SBF2: variants seen among roughly 807,000 people sequenced by gnomAD.
SBF2 encodes SET binding factor 2.
SBF2 carries 112 observed loss-of-function variants against 225.2 expected under a neutral mutation model. The ratio of observed to expected loss-of-function variants is 0.50; its 90% CI spans 0.43 to 0.58. SBF2 has a LOEUF of 0.58. Among genes scored for constraint, SBF2 ranks in the 20% least tolerant of loss-of-function variants. The pLI, the probability that SBF2 is intolerant of heterozygous loss-of-function variation, is 0.00. For missense variants in SBF2, 1,996 were observed against 2,206.2 expected (o/e 0.90, Z 1.91); for synonymous variants, 763 against 773.3 (o/e 0.99, Z 0.22).
At chr11:9,971,516 A>C (rs570888119) in intron 13 of SBF2, among the ~76,000 whole-genome samples, 1 of 152,012 alleles carries the variant, frequency 6.6e-6, no homozygotes, top group East Asian at 1.9e-4. Flanking sequence ...CCATTTCTAC[A>C]AAAAAATAAA....
chr11:10,182,831 T>C (rs1591159472), intron 2 of SBF2, among the ~76,000 whole-genome samples: 1 of 152,156 alleles, frequency 6.6e-6, no homozygotes, highest in East Asian at 1.9e-4. Flanking sequence ...TGGAGTGCAG[T>C]GGCGATGTCT....
intron 2 of SBF2, 110 bp from the exon 3 acceptor site, chr11:10,043,091 G>A (rs1454558118): frequency 3.7e-6 from 4 of 1,069,382 alleles, no homozygotes; most frequent in Admixed American, 4.2e-5. Flanking sequence ...TACCTGATGT[G>A]GTATGAGTCT....
At chr11:10,102,064 A>G (rs1248929488) in intron 2 of SBF2, among the ~76,000 whole-genome samples, 1 of 152,226 alleles carries the variant, frequency 6.6e-6, no homozygotes, top group East Asian at 1.9e-4. Context: ...TTTTCTGGGA[A>G]TAAAGACAGT....
intron 2 of SBF2, among the ~76,000 whole-genome samples, chr11:10,175,247 G>A (rs1001144701): frequency 6.6e-6 from 1 of 151,810 alleles, no homozygotes; most frequent in African/African-American, 2.4e-5. Context: ...ACCCATCAGT[G>A]TTCTGTATTC....
intron 2 of SBF2, among the ~76,000 whole-genome samples, chr11:10,082,209 T>C (rs1951395122): frequency 6.6e-6 from 1 of 152,110 alleles, no homozygotes; most frequent in South Asian, 2.1e-4. Context: ...AATTGACTAA[T>C]AATTAGTGAG....
intron 2 of SBF2, among the ~76,000 whole-genome samples, chr11:10,137,238 A>G (rs1378804554): frequency 1.3e-5 from 2 of 152,218 alleles, no homozygotes; most frequent in Non-Finnish European, 2.9e-5. Flanking sequence ...TAGTTTTTGT[A>G]CGATCTCATA....
chr11:9,788,983 C>T (rs1852562677), intron 35 of SBF2, 126 bp downstream of exon 35: 1 of 804,716 alleles, frequency 1.2e-6, no homozygotes. Flanking sequence ...AATCTGGTTT[C>T]TTCATAACCA....
At chr11:10,160,677 T>C (rs567626811) in intron 2 of SBF2, among the ~76,000 whole-genome samples, 12 of 152,310 alleles carry the variant, frequency 7.9e-5, no homozygotes, top group African/African-American at 2.9e-4. Context: ...AAAAGTTGTT[T>C]TGAAAATGTC....
intron 16 of SBF2, among the ~76,000 whole-genome samples, chr11:9,940,421 T>C (rs190436250): frequency 0.013 from 1,992 of 152,146 alleles, 42 homozygotes; most frequent in African/African-American, 0.045. Context: ...AAATTTTTTT[T>C]AAAGTACATA....
chr11:9,857,476 C>T (rs1292458190), intron 18 of SBF2, among the ~76,000 whole-genome samples: 1 of 152,184 alleles, frequency 6.6e-6, no homozygotes, highest in East Asian at 1.9e-4. Flanking sequence ...GATAATCAGC[C>T]GTTAAGGCTG....
At chr11:10,294,413 C>A (rs1171878378), upstream of SBF2, among the ~76,000 whole-genome samples, 3 of 152,190 alleles carry the variant, frequency 2.0e-5, no homozygotes, top group Non-Finnish European at 4.4e-5. Context: ...CACTTTGAGG[C>A]CTGGATGCTG....
At chr11:10,065,867 A>C (rs1950606192) in intron 2 of SBF2, among the ~76,000 whole-genome samples, 1 of 152,104 alleles carries the variant, frequency 6.6e-6, no homozygotes, top group African/African-American at 2.4e-5. Context: ...AGAATCCTTG[A>C]ACCCAGGGGG....
intron 1 of SBF2, among the ~76,000 whole-genome samples, chr11:10,268,969 C>T (rs536083976): frequency 5.2e-4 from 79 of 152,228 alleles, no homozygotes; most frequent in African/African-American, 1.8e-3. Context: ...TATGCAGTTT[C>T]CTCTGTTGTT....
intron 1 of SBF2, among the ~76,000 whole-genome samples, chr11:10,277,977 A>G (rs910718433): frequency 1.3e-5 from 2 of 152,218 alleles, no homozygotes; most frequent in South Asian, 2.1e-4. Context: ...AGAAACTAGC[A>G]GAGTGTTGGA....
At chr11:9,989,746 A>G (rs1947346058) in intron 12 of SBF2, 151 bp from the exon 13 acceptor site, 1 of 598,128 alleles carries the variant, frequency 1.7e-6, no homozygotes, top group African/African-American at 1.9e-5. Context: ...TTTCACCTCC[A>G]TTCTGGGGTT....
At chr11:9,995,013 G>T (rs1045884202) in intron 9 of SBF2, among the ~76,000 whole-genome samples, 2 of 150,160 alleles carry the variant, frequency 1.3e-5, no homozygotes, top group Admixed American at 6.7e-5. Flanking sequence ...CTCCAGCCTG[G>T]GCGACAGTTA....
chr11:10,168,765 T>C (rs1173219868), intron 2 of SBF2, among the ~76,000 whole-genome samples: 3 of 152,140 alleles, frequency 2.0e-5, no homozygotes, highest in Non-Finnish European at 2.9e-5. Context: ...TGTCAGAAAG[T>C]AAAATATTTA....
At chr11:10,261,461 C>G (rs562184259) in intron 1 of SBF2, among the ~76,000 whole-genome samples, 16 of 152,162 alleles carry the variant, frequency 1.1e-4, no homozygotes, top group Non-Finnish European at 2.2e-4. Flanking sequence ...CCTTGGCCCC[C>G]CAAAGTGCTG....
At chr11:10,072,734 CTTTTT>C (rs912346358) in intron 2 of SBF2, among the ~76,000 whole-genome samples, 4 of 120,334 alleles carry the variant, frequency 3.3e-5, no homozygotes, top group African/African-American at 1.2e-4. Context: ...TTTTTTTTTT[CTTTTT>C]TTTTTTTTTG....
Sources: gnomAD v4.1 joint callset for allele counts (sites outside exome capture counted in the v4.1 genomes callset) on GRCh38, gnomAD v4.1.1 for gene constraint, MANE v1.5 for transcripts, NCBI Gene and HGNC (gene_info 2026-07-23, HGNC 2026-07-21) for gene names.